BHMT2: variants seen among roughly 807,000 people sequenced by gnomAD.
BHMT2 encodes the protein S-methylmethionine--homocysteine S-methyltransferase BHMT2.
In BHMT2, 28 loss-of-function variants were observed where a neutral mutation model predicts 39.0. The ratio of observed to expected loss-of-function variants is 0.72; its 90% confidence interval spans 0.53 to 0.98. The LOEUF is 0.98. Ranked by LOEUF, BHMT2 falls within the 50% of genes least tolerant of loss-of-function variation. The pLI, the probability that BHMT2 is intolerant of heterozygous loss-of-function variation, is 0.00. For missense variants in BHMT2, 410 were observed against 455.6 expected (o/e 0.90, Z 0.91); for synonymous variants, 145 against 160.6 (o/e 0.90, Z 0.74).
intron 1 of BHMT2, among the ~76,000 whole-genome samples, chr5:79,072,822 A>G (rs1272884967): frequency 6.6e-6 from 1 of 152,212 alleles, no homozygotes; most frequent in Non-Finnish European, 1.5e-5. Flanking sequence ...AAATGCAGTG[A>G]GGATGGTGGG....
At position 79,089,935 on chromosome 5, in the gene BHMT2, T is replaced by A. The variant is rs1308797267; in HGVS notation, c.*1361T>A. ...GTGAGCTGAGATCGCCCCACTGCAA[T>A]CCAGCCTGGGAGACATAATTCAAAT... On this transcript the variant is annotated 3_prime_UTR_variant, in exon 8 of 8. Coordinates refer to ENST00000255192, the MANE Select transcript of BHMT2 (RefSeq NM_017614.5). 6.6e-6 allele frequency among the ~76,000 whole-genome samples: 1 copy of A among 152,228 alleles called. No individual in the cohort carries two copies. The highest frequency in any genetic ancestry group is 1.5e-5 in the Non-Finnish European group (1 of 68,044).
chr5:79,075,859 A>T (rs1274552793), intron 1 of BHMT2, among the ~76,000 whole-genome samples: 1 of 152,176 alleles, frequency 6.6e-6, no homozygotes, highest in Non-Finnish European at 1.5e-5. Context: ...TTAAACCCCT[A>T]GGGGGAGCAT....
intron 3 of BHMT2, among the ~76,000 whole-genome samples, chr5:79,080,088 G>A (rs928013348): frequency 3.3e-5 from 5 of 152,106 alleles, no homozygotes. Flanking sequence ...TGGAGACAGG[G>A]AGGCCCTAAA....
chr5:79,076,041 G>C (rs1755665080), intron 1 of BHMT2, among the ~76,000 whole-genome samples: 1 of 152,164 alleles, frequency 6.6e-6, no homozygotes, highest in Non-Finnish European at 1.5e-5. Context: ...TGTATCCTGG[G>C]GTTCTTGCCA....
intron 1 of BHMT2, among the ~76,000 whole-genome samples, chr5:79,070,057 C>T (rs1223935743): frequency 6.6e-6 from 1 of 152,220 alleles, no homozygotes; most frequent in Non-Finnish European, 1.5e-5. Context: ...CACAATTATC[C>T]CCATTTCACA....
At chr5:79,078,055 A>G (rs953706739) in intron 2 of BHMT2, 1 of 152,864 alleles carries the variant, frequency 6.5e-6, no homozygotes. Flanking sequence ...TTCCATGAAT[A>G]TTTACCTTGT....
rs372903910 is a variant in BHMT2 at position 79,088,317 on chromosome 5, A to G, written c.1011-176A>G. Among the ~76,000 whole-genome samples the G allele has an allele frequency of 3.9e-5, 6 of 151,924 alleles. 1 individual carries two copies. The highest frequency in any genetic ancestry group is 1.9e-4 in the East Asian group (1 of 5,180). The stretch of plus-strand genomic sequence containing the variant: ...CACAGTTTTCCGTCTGTATGTTAAA[A>G]CAAAAGTTCTGCTTTAGCCTGATTA... On this transcript the variant is annotated intron_variant, in intron 7 of 7. Transcript: ENST00000255192.
chr5:79,069,992 T>C (rs1755522519), intron 1 of BHMT2, among the ~76,000 whole-genome samples, 177 bp downstream of exon 1: 1 of 152,180 alleles, frequency 6.6e-6, no homozygotes, highest in African/African-American at 2.4e-5. Context: ...TATGGAGCCC[T>C]TACTCGGTGC....
At chr5:79,080,656 C>T in intron 3 of BHMT2, 31 bp from the exon 4 acceptor site, 2 of 1,546,490 alleles carry the variant, frequency 1.3e-6, no homozygotes. Flanking sequence ...CTGCTAGGCT[C>T]ACTATCTGAA....
chr5:79,084,434 C>G (rs764292137), intron 7 of BHMT2, among the ~76,000 whole-genome samples: 114 of 152,182 alleles, frequency 7.5e-4, no homozygotes, highest in Non-Finnish European at 1.5e-3. Context: ...CCACCACATC[C>G]GGCTAATTTT....
chr5:79,088,358 CTG>C (rs202040828), intron 7 of BHMT2, 133 bp from the exon 8 acceptor site: 33,986 of 302,814 alleles, frequency 0.11, 961 homozygotes, highest in South Asian at 0.21. Flanking sequence ...CAAGTTTTGA[CTG>C]TGTGTGTGTG....
chr5:79,083,914 G>T (rs539639941), intron 7 of BHMT2, 58 bp downstream of exon 7: 1 of 1,536,592 alleles, frequency 6.5e-7, no homozygotes, highest in South Asian at 1.2e-5. Context: ...TTTATTTATT[G>T]TTGTAAATGT....
chr5:79,076,351 G>A (rs1435893012), intron 1 of BHMT2, among the ~76,000 whole-genome samples: 1 of 152,084 alleles, frequency 6.6e-6, no homozygotes, highest in Non-Finnish European at 1.5e-5. Context: ...GGGTCTTGAG[G>A]TTTTTATAGG....
intron 1 of BHMT2, chr5:79,071,046 A>G (rs1755558351): frequency 6.6e-6 from 1 of 152,228 alleles, no homozygotes; most frequent in Non-Finnish European, 1.5e-5. Flanking sequence ...GTTCATCTTT[A>G]CAGTTCATAT....
At position 79,080,764 on chromosome 5, in the gene BHMT2, G is replaced by T; in HGVS notation, c.336G>T (p.Gly112=). The T allele has an allele frequency of 6.2e-7, 1 of 1,605,140 alleles. No homozygotes were observed. Among genetic ancestry groups the T allele is most frequent in the East Asian group, 2.3e-5 (1 of 44,164 alleles). ...AAGGTGATGCTTTGGTAGCAGGGGG[G>T]ATCTGCCAGACATCAATATACAAAT... ...AGKGDALVAG[G]ICQTSIYKYQ... is the part of the protein sequence containing the mutation. Residue 112 remains glycine (G), a synonymous_variant, in exon 4 of 8, where the codon GGG becomes GGT. Coordinates refer to ENST00000255192, the MANE Select transcript of BHMT2 (RefSeq NM_017614.5).
intron 7 of BHMT2, 98 bp downstream of exon 7, chr5:79,083,954 A>T (rs1755844465): frequency 1.4e-6 from 2 of 1,453,124 alleles, no homozygotes; most frequent in Non-Finnish European, 1.8e-6. Context: ...AAGTATAGAA[A>T]TGTATAAAGT....
At chr5:79,070,822 T>G (rs1187921525) in intron 1 of BHMT2, among the ~76,000 whole-genome samples, 1 of 152,222 alleles carries the variant, frequency 6.6e-6, no homozygotes, top group Non-Finnish European at 1.5e-5. Context: ...TATCACAAAC[T>G]GATCCCAACC....
intron 4 of BHMT2, 72 bp downstream of exon 4, chr5:79,080,950 G>A (rs1755776580): frequency 1.5e-6 from 2 of 1,366,946 alleles, no homozygotes; most frequent in African/African-American, 3.0e-5. Context: ...CACATTTCAT[G>A]AGGGTATTGG....
At chr5:79,069,961 T>G (rs529245895) in intron 1 of BHMT2, 146 bp downstream of exon 1, 1 of 896,346 alleles carries the variant, frequency 1.1e-6, no homozygotes, top group Non-Finnish European at 1.5e-6. Context: ...AATTTTCCCC[T>G]GTCACGGGTT....
Sources: gnomAD v4.1 joint callset for allele counts (sites outside exome capture counted in the v4.1 genomes callset) on GRCh38, gnomAD v4.1.1 for gene constraint, MANE v1.5 for transcripts, NCBI Gene and HGNC (gene_info 2026-07-23, HGNC 2026-07-21) for gene names.